Variants in PARG observed in about 807,000 individuals in gnomAD.
The protein encoded by PARG is poly(ADP-ribose) glycohydrolase.
A neutral mutation model predicts 113.0 loss-of-function variants in PARG; 35 were observed. That is an observed-to-expected ratio of 0.31 (90% confidence interval 0.24 to 0.41). The LOEUF (loss-of-function observed/expected upper bound fraction) is 0.41, where lower values mean the gene tolerates loss of function less well. PARG is among the 10% of genes least tolerant of loss of function. PARG has a pLI of 1.00. For missense variants in PARG, 797 were observed against 1,169.4 expected (o/e 0.68, Z 4.64); for synonymous variants, 330 against 409.9 (o/e 0.81, Z 2.36).
At chr10:49,820,966 C>T (rs1844045109) in intron 16 of PARG, among the ~76,000 whole-genome samples, 1 of 152,120 alleles carries the variant, frequency 6.6e-6, no homozygotes, top group South Asian at 2.1e-4. Context: ...TGTCTTATCA[C>T]ACAGCCACTG....
Position 49,841,989 on chromosome 10 carries a change from A to C in PARG, c.2502T>G (p.Asp834Glu). The change falls in exon 15 of 18, where the codon GAT (aspartate) becomes GAG (glutamate). Residue 834 changes from aspartate to glutamate, a missense_variant. Coordinates refer to ENST00000616448, the MANE Select transcript of PARG (RefSeq NM_003631.5). ...IDALHFRRYLDQFVPEKMRRE... is the reference protein window; with the variant it reads ...IDALHFRRYLEQFVPEKMRRE... ...GTCTCATTTTCTCAGGCACAAACTG[A>C]TCGAGGTAGCGTCTGAAGTGAAGAG... 1 of 1,550,044 alleles carries C rather than the reference A, an allele frequency of 6.5e-7. No homozygotes were observed. Among genetic ancestry groups the C allele is most frequent in the Non-Finnish European group, 8.7e-7 (1 of 1,146,858 alleles).
chr10:49,913,413 T>C lies in PARG; in HGVS notation c.1737+2504A>G, dbSNP rs189486025. On this transcript the variant is annotated intron_variant, in intron 7 of 17. Coordinates refer to ENST00000616448, the MANE Select transcript of PARG (RefSeq NM_003631.5). ...ATTTGATGGAATATTATTGCAACCA[T>C]TAAGGCTAAACATTATAAAATTATA... Among the ~76,000 whole-genome samples, 218 of 152,330 alleles carry C rather than the reference T, an allele frequency of 1.4e-3. 1 individual carries two copies. The highest frequency in any genetic ancestry group is 5.0e-3 in the African/African-American group (206 of 41,578).
chr10:49,931,693 C>CAAAAA (rs1191457420), intron 4 of PARG, among the ~76,000 whole-genome samples: 3 of 71,754 alleles, frequency 4.2e-5, no homozygotes, highest in Non-Finnish European at 5.4e-5. Flanking sequence ...TGGTCTCCAG[C>CAAAAA]AAAAAAAAAA....
At chr10:49,932,372 T>G (rs1554910108) in intron 3 of PARG, 89 bp from the exon 4 acceptor site, 1 of 785,658 alleles carries the variant, frequency 1.3e-6, no homozygotes, top group Admixed American at 1.9e-5. Flanking sequence ...CCAGACGTTA[T>G]TGTTTAAAGT....
intron 7 of PARG, among the ~76,000 whole-genome samples, chr10:49,892,462 G>A (rs1397761749): frequency 6.6e-6 from 1 of 151,888 alleles, no homozygotes; most frequent in Non-Finnish European, 1.5e-5. Flanking sequence ...TTTGCCTTAA[G>A]AGAAAGCCTA....
At chr10:49,914,510 C>T (rs147137441) in intron 7 of PARG, among the ~76,000 whole-genome samples, 25 of 152,262 alleles carry the variant, frequency 1.6e-4, no homozygotes, top group African/African-American at 5.5e-4. Context: ...GGCACTATCT[C>T]GAAATGCAGA....
intron 16 of PARG, 138 bp downstream of exon 16, chr10:49,832,665 A>G: frequency 1.8e-6 from 1 of 556,390 alleles, no homozygotes; most frequent in South Asian, 2.5e-5. Context: ...ATAGGAAAAA[A>G]GAAAATAGTG....
chr10:49,886,860 C>A (rs1554840526), intron 7 of PARG, among the ~76,000 whole-genome samples: 4 of 152,080 alleles, frequency 2.6e-5, no homozygotes. Context: ...TATAATCTGC[C>A]TCTTTAACTC....
intron 7 of PARG, among the ~76,000 whole-genome samples, chr10:49,903,959 C>T (rs564900514): frequency 6.6e-6 from 1 of 152,290 alleles, no homozygotes; most frequent in African/African-American, 2.4e-5. Context: ...AAGGGATCAA[C>T]TGCACACAGG....
At chr10:49,891,568 A>C (rs1252004058) in intron 7 of PARG, among the ~76,000 whole-genome samples, 1 of 142,952 alleles carries the variant, frequency 7.0e-6, no homozygotes, top group African/African-American at 2.6e-5. Flanking sequence ...CAAAGAGGAA[A>C]TATCCTCATA....
intron 16 of PARG, among the ~76,000 whole-genome samples, chr10:49,821,685 G>C (rs1844091293): frequency 6.6e-6 from 1 of 152,016 alleles, no homozygotes; most frequent in Non-Finnish European, 1.5e-5. Flanking sequence ...TGGCCAAAGA[G>C]GGTATCTTTT....
chr10:49,879,721 G>T lies in PARG; in HGVS notation c.1940C>A (p.Ala647Asp). The T allele has an allele frequency of 6.3e-7, 1 of 1,578,600 alleles. No homozygotes were observed. Among genetic ancestry groups the T allele is most frequent in the African/African-American group, 1.3e-5 (1 of 74,550 alleles). ...AFFCTFPRRNAKMKSEYSSYP... is the reference protein window; with the variant it reads ...AFFCTFPRRNDKMKSEYSSYP... ...ACTAGAATACTCCGATTTCATCTTA[G>T]CATTTCGTCGTGGAAATGTGCAGAA... Residue 647 changes from alanine (A) to aspartate (D), a missense_variant, in exon 9 of 18, where the codon GCT (alanine) becomes GAT (aspartate). Physicochemically the swap from Ala to Asp is moderately radical, Grantham distance 126. Transcript: ENST00000616448.
At chr10:49,926,600 T>C (rs1187560948) in intron 4 of PARG, among the ~76,000 whole-genome samples, 3,381 of 144,172 alleles carry the variant, frequency 0.023, no homozygotes, top group Non-Finnish European at 0.034. Context: ...CTGAGGGGCC[T>C]GGAGACAGTG....
Position 49,941,592 on chromosome 10 carries a change from T to G in PARG, c.134A>C (p.His45Pro), listed in dbSNP as rs1839075273. ...GGACGGTGGGACCCTGAACTGCACG[T>G]GAGCGTCCTTGGGGTCGAGGACGCG... The part of the protein sequence containing the change: ...QRRVLDPKDA[H>P]VQFRVPPSSP... Residue 45 changes from histidine (H) to proline (P), a missense_variant, in exon 1 of 18, where the codon CAC becomes CCC. This residue lies in a region of PARG where 284 missense variants were observed against 306.1 expected (regional missense o/e 0.93). Transcript: ENST00000616448. 3 of 1,571,240 alleles carry G rather than the reference T, an allele frequency of 1.9e-6. No individual in the cohort carries two copies. Among genetic ancestry groups the G allele is most frequent in the Non-Finnish European group, 8.6e-7 (1 of 1,159,020 alleles).
chr10:49,829,388 G>A (rs1844542873), intron 16 of PARG, among the ~76,000 whole-genome samples: 1 of 151,942 alleles, frequency 6.6e-6, no homozygotes, highest in Admixed American at 6.6e-5. Context: ...GCATACCATT[G>A]TGCTCAGCTT....
Position 49,828,265 on chromosome 10 carries a change from T to C in PARG, c.2647+4538A>G, listed in dbSNP as rs112686455. On this transcript the variant is annotated intron_variant, in intron 16 of 17. Coordinates refer to ENST00000616448, the MANE Select transcript of PARG (RefSeq NM_003631.5). ...CTGAGAAGATAAAACACATGAACTG[T>C]TTTATGTTTGAAAGTAACAGGAGAA... Among the ~76,000 whole-genome samples, 1,337 of 152,134 alleles carry C rather than the reference T, an allele frequency of 8.8e-3. 11 individuals carry two copies. The highest frequency in any genetic ancestry group is 0.03 in the African/African-American group (1,248 of 41,482).
At chr10:49,896,367 C>T (rs1588957738) in intron 7 of PARG, among the ~76,000 whole-genome samples, 1 of 152,268 alleles carries the variant, frequency 6.6e-6, no homozygotes, top group Middle Eastern at 3.4e-3. Flanking sequence ...TCACTGCAAC[C>T]TCTGCTTCCT....
At position 49,819,423 on chromosome 10, in the gene PARG, T is replaced by C; in HGVS notation, c.2848A>G (p.Ile950Val). ...CRNCSTPGPDIKLYPFIYHAV... is the reference protein window; with the variant it reads ...CRNCSTPGPDVKLYPFIYHAV... ...TGGTATATGAATGGATAAAGCTTGA[T>C]GTCTGGTCCAGGGGTGGAACAGTTT... Residue 950 changes from isoleucine to valine, a missense_variant, in exon 18 of 18, where the codon ATC (isoleucine) becomes GTC (valine). Coordinates refer to ENST00000616448, the MANE Select transcript of PARG (RefSeq NM_003631.5). 4 of 1,551,210 alleles carry C rather than the reference T, an allele frequency of 2.6e-6. No individual in the cohort carries two copies. The highest frequency in any genetic ancestry group is 3.5e-6 in the Non-Finnish European group (4 of 1,146,526).
intron 7 of PARG, among the ~76,000 whole-genome samples, chr10:49,904,390 A>G (rs1453445765): frequency 1.3e-5 from 2 of 150,098 alleles, no homozygotes; most frequent in African/African-American, 4.9e-5. Context: ...TGCTAGGAAC[A>G]TAACAAAGAA....
Sources: allele counts gnomAD v4.1 joint callset (sites outside exome capture counted in the v4.1 genomes callset), GRCh38; gene constraint gnomAD v4.1.1; regional missense constraint gnomAD v4.1.1; transcripts MANE v1.5; gene names NCBI Gene and HGNC (gene_info 2026-07-23, HGNC 2026-07-21).